Variants in ZNF804A observed in about 807,000 individuals in gnomAD.
The protein encoded by ZNF804A is zinc finger protein 804A.
In ZNF804A, 2 loss-of-function variants were observed where a neutral mutation model predicts 16.5. The ratio of observed to expected loss-of-function variants is 0.12; its 90% CI spans 0.05 to 0.38. The LOEUF is 0.38. Ranked by LOEUF, ZNF804A falls within the 10% of genes least tolerant of loss-of-function variation. The pLI is 0.99. For synonymous variants in ZNF804A, 534 were observed against 489.6 expected (o/e 1.09, Z -1.20); for missense variants, 1,473 against 1,390.7 (o/e 1.06, Z -0.94).
chr2:184,623,019 C>T (rs1484199727), intron 1 of ZNF804A, among the ~76,000 whole-genome samples: 4 of 151,968 alleles, frequency 2.6e-5, no homozygotes, highest in African/African-American at 7.2e-5. Flanking sequence ...AAGGCATTCC[C>T]TTTATTTGCT....
chr2:184,627,949 A>G (rs956071180), intron 1 of ZNF804A, among the ~76,000 whole-genome samples: 1 of 152,234 alleles, frequency 6.6e-6, no homozygotes. Context: ...TTTATTCAAC[A>G]TGGAGTTTCT....
intron 1 of ZNF804A, among the ~76,000 whole-genome samples, chr2:184,774,755 A>C (rs575122320): frequency 8.6e-5 from 13 of 151,850 alleles, no homozygotes; most frequent in African/African-American, 3.1e-4. Flanking sequence ...TATTTGAGGT[A>C]GTGTTAATGA....
chr2:184,844,822 C>G (rs1032196452), intron 1 of ZNF804A, among the ~76,000 whole-genome samples: 1 of 151,878 alleles, frequency 6.6e-6, no homozygotes, highest in Non-Finnish European at 1.5e-5. Context: ...ACTTCTCTCT[C>G]TCTCCAGCTT....
chr2:184,894,793 C>T (rs562848141), intron 2 of ZNF804A, among the ~76,000 whole-genome samples: 2 of 152,192 alleles, frequency 1.3e-5, no homozygotes, highest in South Asian at 4.2e-4. Flanking sequence ...TCACGCCGTT[C>T]CCCTGCCTCA....
At chr2:184,670,697 G>A (rs1263368136) in intron 1 of ZNF804A, among the ~76,000 whole-genome samples, 2 of 151,736 alleles carry the variant, frequency 1.3e-5, no homozygotes, top group South Asian at 2.1e-4. Context: ...TCTCTTTGTG[G>A]ACTCTAAATT....
chr2:184,806,903 TA>T (rs1694815178), intron 1 of ZNF804A, among the ~76,000 whole-genome samples: 1 of 151,834 alleles, frequency 6.6e-6, no homozygotes, highest in African/African-American at 2.4e-5. Flanking sequence ...AGTCTTTATT[TA>T]AATAGAACAG....
chr2:184,937,376 C>G lies in ZNF804A; in HGVS notation c.1980C>G (p.Pro660=), dbSNP rs763215388. ...CACATCAGTTACTTGATAAAAGGCC[C>G]AAATCAGAATCCATATCCTTAAGTG... ...LDSHQLLDKR[P]KSESISLSDN... is the part of the protein sequence containing the mutation. Residue 660 remains proline (P), a synonymous_variant, in exon 4 of 4, where the codon CCC becomes CCG. Coordinates refer to ENST00000302277, the MANE Select transcript of ZNF804A (RefSeq NM_194250.2). 6.2e-7 allele frequency: 1 copy of G among 1,613,472 alleles called. No individual in the cohort carries two copies. The highest frequency in any genetic ancestry group is 8.5e-7 in the Non-Finnish European group (1 of 1,179,772).
At chr2:184,736,765 A>G (rs531238785) in intron 1 of ZNF804A, among the ~76,000 whole-genome samples, 1 of 152,324 alleles carries the variant, frequency 6.6e-6, no homozygotes, top group East Asian at 1.9e-4. Context: ...TTTTTAACTT[A>G]ACAGTGGTTA....
chr2:184,872,177 C>G (rs1334713569), intron 2 of ZNF804A, among the ~76,000 whole-genome samples: 4 of 151,986 alleles, frequency 2.6e-5, no homozygotes, highest in Non-Finnish European at 4.4e-5. Context: ...CTATTTTAAA[C>G]CAAGAATAAA....
chr2:184,827,079 T>C (rs1275122708), intron 1 of ZNF804A, among the ~76,000 whole-genome samples: 2 of 151,916 alleles, frequency 1.3e-5, no homozygotes, highest in African/African-American at 4.8e-5. Flanking sequence ...TAAATATCTA[T>C]AAGCTGTTAA....
At chr2:184,789,556 A>G (rs1009971305) in intron 1 of ZNF804A, among the ~76,000 whole-genome samples, 2 of 151,592 alleles carry the variant, frequency 1.3e-5, no homozygotes, top group African/African-American at 4.8e-5. Flanking sequence ...TTTCTGATTC[A>G]ATCTCGGGAG....
At chr2:184,701,429 A>G (rs981095083) in intron 1 of ZNF804A, among the ~76,000 whole-genome samples, 12 of 152,046 alleles carry the variant, frequency 7.9e-5, no homozygotes, top group Middle Eastern at 3.4e-3. Flanking sequence ...TTGAATATAT[A>G]CCTTCTTTTC....
intron 1 of ZNF804A, among the ~76,000 whole-genome samples, chr2:184,612,146 G>A (rs1371787141): frequency 1.3e-5 from 2 of 152,108 alleles, no homozygotes; most frequent in Admixed American, 1.3e-4. Context: ...CAACTGTGAT[G>A]ATAGTTACTT....
chr2:184,707,241 T>C (rs1693045496), intron 1 of ZNF804A, among the ~76,000 whole-genome samples: 1 of 152,166 alleles, frequency 6.6e-6, no homozygotes, highest in Non-Finnish European at 1.5e-5. Context: ...TGGGTAATTT[T>C]GGAGGGAGTG....
chr2:184,847,486 A>G (rs924141988), intron 1 of ZNF804A, among the ~76,000 whole-genome samples: 2 of 152,118 alleles, frequency 1.3e-5, no homozygotes, highest in Admixed American at 1.3e-4. Flanking sequence ...TAATGAGACA[A>G]CAGCAAAGCT....
intron 1 of ZNF804A, among the ~76,000 whole-genome samples, chr2:184,767,782 C>T (rs1414370567): frequency 6.6e-6 from 1 of 151,964 alleles, no homozygotes; most frequent in Non-Finnish European, 1.5e-5. Context: ...AAGGAGTCTA[C>T]CTTCTTAAAA....
At chr2:184,835,412 G>C (rs1336045348) in intron 1 of ZNF804A, among the ~76,000 whole-genome samples, 2 of 152,058 alleles carry the variant, frequency 1.3e-5, no homozygotes, top group Non-Finnish European at 2.9e-5. Context: ...GTAACTTCTG[G>C]GTATCCAGTG....
intron 1 of ZNF804A, among the ~76,000 whole-genome samples, chr2:184,791,204 T>C (rs1478706754): frequency 6.6e-6 from 1 of 152,198 alleles, no homozygotes; most frequent in Non-Finnish European, 1.5e-5. Context: ...GAGATTTTGT[T>C]ACTGATGTAG....
intron 1 of ZNF804A, among the ~76,000 whole-genome samples, chr2:184,776,656 G>C (rs80084080): frequency 6.6e-6 from 1 of 151,422 alleles, no homozygotes; most frequent in Admixed American, 6.6e-5. Context: ...AATGTAATTA[G>C]TTCGCTTTTT....
Sources: gnomAD v4.1 joint callset for allele counts (sites outside exome capture counted in the v4.1 genomes callset) on GRCh38, gnomAD v4.1.1 for gene constraint, MANE v1.5 for transcripts, NCBI Gene and HGNC (gene_info 2026-07-23, HGNC 2026-07-21) for gene names.